CRTAP: variants seen among roughly 807,000 people sequenced by gnomAD.
CRTAP encodes cartilage-associated protein.
A neutral mutation model predicts 42.7 loss-of-function variants in CRTAP; 33 were observed. The ratio of observed to expected loss-of-function variants is 0.77; its 90% confidence interval spans 0.59 to 1.03. The LOEUF (loss-of-function observed/expected upper bound fraction) is 1.03, where lower values mean the gene tolerates loss of function less well. Ranked by LOEUF, CRTAP falls within the 50% of genes least tolerant of loss-of-function variation. CRTAP has a pLI of 0.00. For synonymous variants in CRTAP, 243 were observed against 217.7 expected (o/e 1.12, Z -1.02); for missense variants, 613 against 533.9 (o/e 1.15, Z -1.46).
At position 33,140,841 on chromosome 3, in the gene CRTAP, G is replaced by A. The variant is rs147178389; in HGVS notation, c.1153-1554G>A. Among the ~76,000 whole-genome samples, 704 of 152,268 alleles carry A rather than the reference G, an allele frequency of 4.6e-3. 2 individuals carry two copies. The highest frequency in any genetic ancestry group is 0.015 in the African/African-American group (623 of 41,530). On this transcript the variant is annotated intron_variant, in intron 6 of 6. Coordinates refer to ENST00000320954, the MANE Select transcript of CRTAP (RefSeq NM_006371.5). ...AGGGGAAGGAGCTCAACAAATACGT[G>A]GTCTCAGCTGGAGTCAAGCTTCGCC...
In CRTAP at chr3:33,114,422, C is replaced by G; in HGVS notation, c.345C>G (p.Arg115=). The change falls in exon 1 of 7, where the codon CGC becomes CGG. Residue 115 remains arginine (R), a synonymous_variant. Coordinates refer to ENST00000320954, the MANE Select transcript of CRTAP (RefSeq NM_006371.5). ...GCCTCTTCGGGGGCCTGCTGCGCCG[C>G]GCGCACTGCCTCAAGCGCTGCAAGC... ...ELRLFGGLLR[R]AHCLKRCKQG... is the part of the protein sequence containing the mutation. 6.4e-7 allele frequency: 1 copy of G among 1,553,360 alleles called. No individual in the cohort carries two copies. The highest frequency in any genetic ancestry group is 8.7e-7 in the Non-Finnish European group (1 of 1,153,526).
chr3:33,115,173 C>G (rs137931034), intron 1 of CRTAP: 1 of 152,182 alleles, frequency 6.6e-6, no homozygotes, highest in African/African-American at 2.4e-5. Flanking sequence ...CTCGAACTCC[C>G]GGACTCAAGT....
At chr3:33,139,662 A>T (rs2030519590) in intron 6 of CRTAP, among the ~76,000 whole-genome samples, 1 of 152,044 alleles carries the variant, frequency 6.6e-6, no homozygotes, top group Admixed American at 6.5e-5. Context: ...TATTTAGTAG[A>T]GACGGGGGTT....
intron 6 of CRTAP, among the ~76,000 whole-genome samples, chr3:33,141,178 TC>T: frequency 6.6e-6 from 1 of 152,274 alleles, no homozygotes; most frequent in Admixed American, 6.5e-5. Context: ...TGCATTTCTT[TC>T]GTCTGTGCTG....
chr3:33,136,561 A>G (rs1287784499), intron 6 of CRTAP, among the ~76,000 whole-genome samples: 1 of 152,212 alleles, frequency 6.6e-6, no homozygotes, highest in Non-Finnish European at 1.5e-5. Context: ...TGAGTAACAT[A>G]GTGAGACTCT....
chr3:33,140,010 ACTT>A (rs1324942814), intron 6 of CRTAP, among the ~76,000 whole-genome samples: 2 of 152,212 alleles, frequency 1.3e-5, no homozygotes, highest in Admixed American at 6.5e-5. Flanking sequence ...TAAATTGTTT[ACTT>A]CTTCTCTAAT....
At chr3:33,133,517 TG>T (rs1314469544) in intron 5 of CRTAP, among the ~76,000 whole-genome samples, 9 of 61,884 alleles carry the variant, frequency 1.5e-4, no homozygotes, top group Non-Finnish European at 1.7e-4. Flanking sequence ...TTCAAAGTGC[TG>T]GGATTTACAG....
In CRTAP at chr3:33,114,380, C is replaced by T. The variant is rs2125596011; in HGVS notation, c.303C>T (p.Ala101=). The change falls in exon 1 of 7, where the codon GCC becomes GCT. Residue 101 remains alanine, a synonymous_variant. Coordinates refer to ENST00000320954, the MANE Select transcript of CRTAP (RefSeq NM_006371.5). ...APQPEPAAGL[A]SYPELRLFGG... is the part of the protein sequence containing the mutation. ...AGCCCGAGCCCGCCGCCGGCCTCGC[C>T]AGCTATCCCGAGCTGCGCCTCTTCG... The T allele has an allele frequency of 1.3e-6, 2 of 1,529,162 alleles. No individual in the cohort carries two copies. Among genetic ancestry groups the T allele is most frequent in the Non-Finnish European group, 8.7e-7 (1 of 1,144,000 alleles). The allele number at this position is 1,529,162 out of a possible 1,614,324, so 94.7% of individuals were successfully genotyped here. A position where few individuals can be genotyped will look rare whatever the true frequency, so the allele number is the denominator to read the frequency against.
In CRTAP at chr3:33,146,892, TA is replaced by T. The variant is rs57153345; in HGVS notation, c.*4457del. The T allele has an allele frequency of 0.064, 9,405 of 146,106 alleles. 692 individuals are homozygous for T. Among genetic ancestry groups the T allele is most frequent in the African/African-American group, 0.18 (7,438 of 40,348 alleles). 9.1% of individuals were successfully genotyped at this position (146,106 alleles called of 1,614,324 possible). On this transcript the variant is annotated 3_prime_UTR_variant, in exon 7 of 7. Transcript: ENST00000320954. ...AGCCGTAAACTGAAGCTACTTCAGT[TA>T]AAAAAAAAAAAATCAATACTTAAAC...
Position 33,114,049 on chromosome 3 carries a change from C to A in CRTAP, c.-29C>A. 7.0e-7 allele frequency: 1 copy of A among 1,422,250 alleles called. No individual in the cohort carries two copies. Among genetic ancestry groups the A allele is most frequent in the Admixed American group, 2.7e-5 (1 of 37,198 alleles). 88.1% of individuals were successfully genotyped at this position (1,422,250 alleles called of 1,614,324 possible). Reference sequence around the variant, plus strand: ...TCCCTCCCCTTTTCCCTTCCTTCGTCCCTTCCTTCCTTCCTTTCGCCGGGC... The same window carrying A: ...TCCCTCCCCTTTTCCCTTCCTTCGTACCTTCCTTCCTTCCTTTCGCCGGGC... On this transcript the variant is annotated 5_prime_UTR_variant, in exon 1 of 7. Transcript: ENST00000320954.
chr3:33,130,072 G>A lies in CRTAP; in HGVS notation c.922+5G>A. On this transcript the variant is annotated splice_donor_5th_base_variant and intron_variant, in intron 4 of 6. Coordinates refer to ENST00000320954, the MANE Select transcript of CRTAP (RefSeq NM_006371.5). ...TGCAGTTTGCCTATTATAAGTGTAA[G>A]TAATCTTCTGTGACATCTTGGGTGA... 3 of 1,612,998 alleles carry A rather than the reference G, an allele frequency of 1.9e-6. No homozygotes were observed. In the South Asian group the frequency reaches 3.3e-5, roughly 18 times the overall value.
intron 4 of CRTAP, among the ~76,000 whole-genome samples, chr3:33,130,608 C>A (rs562364617): frequency 8.0e-6 from 1 of 124,870 alleles, no homozygotes; most frequent in Admixed American, 1.0e-4. Context: ...TCTTGACTTA[C>A]TGCAACCTCC....
At chr3:33,132,813 C>G in intron 5 of CRTAP, 113 bp downstream of exon 5, 1 of 1,288,938 alleles carries the variant, frequency 7.8e-7, no homozygotes, top group Non-Finnish European at 1.1e-6. Context: ...GGCGCGGTGA[C>G]TCATGCCTGT....
At position 33,114,453 on chromosome 3, in the gene CRTAP, C is replaced by T. The variant is rs756961672; in HGVS notation, c.376C>T (p.Leu126=). 96 of 1,582,896 alleles carry T rather than the reference C, an allele frequency of 6.1e-5. No homozygotes were observed. The highest frequency in any genetic ancestry group is 8.1e-5 in the Non-Finnish European group (95 of 1,166,854). Residue 126 remains leucine, a synonymous_variant, in exon 1 of 7, where the codon CTG becomes TTG. Transcript: ENST00000320954. ...AHCLKRCKQG[L]PAFRQSQPSR... is the part of the protein sequence containing the mutation. The stretch of plus-strand genomic sequence containing the variant: ...CTGCCTCAAGCGCTGCAAGCAGGGC[C>T]TGCCAGCCTTCCGCCAGTCCCAGCC...
chr3:33,129,005 T>C (rs542417364), intron 3 of CRTAP, among the ~76,000 whole-genome samples: 20 of 152,368 alleles, frequency 1.3e-4, no homozygotes, highest in African/African-American at 4.6e-4. Context: ...TTACTCTCTT[T>C]CAAAGGCTGT....
At chr3:33,125,835 A>G (rs114483855) in intron 3 of CRTAP, among the ~76,000 whole-genome samples, 142 of 152,312 alleles carry the variant, frequency 9.3e-4, no homozygotes, top group Non-Finnish European at 1.7e-3. Flanking sequence ...ATACCTAAAC[A>G]GTGTCCCAAT....
At chr3:33,139,827 T>G (rs1238138472) in intron 6 of CRTAP, among the ~76,000 whole-genome samples, 1 of 152,270 alleles carries the variant, frequency 6.6e-6, no homozygotes, top group East Asian at 1.9e-4. Context: ...ATGCTTTTTC[T>G]GCATCTATTG....
At chr3:33,128,391 A>G (rs1420448329) in intron 3 of CRTAP, among the ~76,000 whole-genome samples, 1 of 152,084 alleles carries the variant, frequency 6.6e-6, no homozygotes, top group Non-Finnish European at 1.5e-5. Context: ...TTTTATGCCA[A>G]TGATATTTTT....
rs757381053 is a variant in CRTAP, at chr3:33,129,973, G to A, written c.828G>A (p.Gln276=). 10 of 1,613,448 alleles carry A rather than the reference G, an allele frequency of 6.2e-6. No individual in the cohort carries two copies. The highest frequency in any genetic ancestry group is 8.5e-6 in the Non-Finnish European group (10 of 1,179,394). The change falls in exon 4 of 7, where the codon CAG becomes CAA. Residue 276 remains glutamine (Q), a synonymous_variant. Transcript: ENST00000320954. ...TAGAAGTTCTGGAATGCAAAATACAGTGTGAAGAGAACCTCACCCCAGTTA... is the reference window on the plus strand; with the variant it reads ...TAGAAGTTCTGGAATGCAAAATACAATGTGAAGAGAACCTCACCCCAGTTA... ...HYVEVLECKI[Q]CEENLTPVIG...
Sources: gnomAD v4.1 joint callset for allele counts (sites outside exome capture counted in the v4.1 genomes callset) on GRCh38, gnomAD v4.1.1 for gene constraint, MANE v1.5 for transcripts, NCBI Gene and HGNC (gene_info 2026-07-23, HGNC 2026-07-21) for gene names.